ERBB4: variants seen among roughly 807,000 people sequenced by gnomAD.
ERBB4 encodes erb-b2 receptor tyrosine kinase 4.
A neutral mutation model predicts 158.0 loss-of-function variants in ERBB4; 42 were observed. The ratio of observed to expected loss-of-function variants is 0.27; its 90% CI spans 0.21 to 0.34. The LOEUF (loss-of-function observed/expected upper bound fraction) is 0.34, where lower values mean the gene tolerates loss of function less well. ERBB4 is among the 10% of genes least tolerant of loss of function. The pLI is 1.00. For missense variants in ERBB4, 1,333 were observed against 1,624.1 expected, an observed-to-expected ratio of 0.82 and a Z score of 3.08; for synonymous variants, 583 against 558.7, an observed-to-expected ratio of 1.04 and a Z score of -0.61.
At chr2:211,975,353 C>A (rs751664331) in intron 2 of ERBB4, among the ~76,000 whole-genome samples, 5 of 152,168 alleles carry the variant, frequency 3.3e-5, no homozygotes, top group Non-Finnish European at 7.3e-5. Flanking sequence ...GTTGTCCAAT[C>A]AATCCTGACC....
intron 12 of ERBB4, among the ~76,000 whole-genome samples, chr2:211,694,068 AC>A (rs2106005940): frequency 6.6e-6 from 1 of 152,202 alleles, no homozygotes; most frequent in East Asian, 1.9e-4. Flanking sequence ...TGAAGGACCT[AC>A]CCTGCTCCAG....
At chr2:211,737,225 A>C (rs547285422) in intron 5 of ERBB4, among the ~76,000 whole-genome samples, 143 of 152,294 alleles carry the variant, frequency 9.4e-4, no homozygotes, top group African/African-American at 3.3e-3. Flanking sequence ...AGTTAAGAGA[A>C]CACAAAACAC....
intron 16 of ERBB4, among the ~76,000 whole-genome samples, chr2:211,630,903 C>T (rs1040875408): frequency 7.9e-5 from 12 of 151,992 alleles, no homozygotes; most frequent in Admixed American, 2.0e-4. Context: ...AAAACATATG[C>T]CAAGACATTG....
intron 19 of ERBB4, among the ~76,000 whole-genome samples, chr2:211,588,780 T>C (rs2068369647): frequency 6.6e-6 from 1 of 152,132 alleles, no homozygotes; most frequent in Non-Finnish European, 1.5e-5. Flanking sequence ...ACATGATATA[T>C]ACTAGTTTTA....
At chr2:212,392,827 C>T (rs886644094) in intron 1 of ERBB4, among the ~76,000 whole-genome samples, 1 of 151,950 alleles carries the variant, frequency 6.6e-6, no homozygotes, top group Non-Finnish European at 1.5e-5. Context: ...AGATTATATT[C>T]TCTGCTAAGA....
chr2:211,626,039 T>C (rs1048777637), intron 17 of ERBB4, among the ~76,000 whole-genome samples: 1 of 152,206 alleles, frequency 6.6e-6, no homozygotes, highest in African/African-American at 2.4e-5. Flanking sequence ...TATATGACAG[T>C]GTTGCCACTC....
chr2:212,488,697 A>G (rs1690110852), intron 1 of ERBB4, among the ~76,000 whole-genome samples: 1 of 151,896 alleles, frequency 6.6e-6, no homozygotes, highest in African/African-American at 2.4e-5. Flanking sequence ...GAATCAAAGG[A>G]GGCAAGGCCA....
At chr2:212,248,122 T>TA (rs1182220908) in intron 1 of ERBB4, among the ~76,000 whole-genome samples, 1 of 152,102 alleles carries the variant, frequency 6.6e-6, no homozygotes, top group Non-Finnish European at 1.5e-5. Context: ...CTTTTGTGAT[T>TA]AAAAAATCAA....
intron 1 of ERBB4, among the ~76,000 whole-genome samples, chr2:212,280,019 A>G (rs889868884): frequency 6.6e-6 from 1 of 151,682 alleles, no homozygotes; most frequent in Non-Finnish European, 1.5e-5. Context: ...GATATCTGCA[A>G]TTGAATTGCA....
At chr2:212,253,260 C>A (rs2084607112) in intron 1 of ERBB4, among the ~76,000 whole-genome samples, 1 of 151,820 alleles carries the variant, frequency 6.6e-6, no homozygotes, top group African/African-American at 2.4e-5. Flanking sequence ...ATGAATTTAA[C>A]AAAGCAATAA....
intron 20 of ERBB4, among the ~76,000 whole-genome samples, chr2:211,558,390 C>G (rs775777853): frequency 1.3e-5 from 2 of 152,122 alleles, no homozygotes; most frequent in Non-Finnish European, 2.9e-5. Flanking sequence ...CTCCCACTTA[C>G]AAAGACCCCT....
At chr2:212,325,017 C>A (rs2087759198) in intron 1 of ERBB4, among the ~76,000 whole-genome samples, 2 of 73,706 alleles carry the variant, frequency 2.7e-5, no homozygotes, top group Admixed American at 2.5e-4. Flanking sequence ...TACAAGCAAC[C>A]CAAAAAAAAA....
chr2:211,691,229 G>A (rs1188060764), intron 12 of ERBB4, among the ~76,000 whole-genome samples: 1 of 152,040 alleles, frequency 6.6e-6, no homozygotes, highest in Non-Finnish European at 1.5e-5. Context: ...GTAGCCTTGG[G>A]CAATTACTTA....
chr2:212,013,067 T>G (rs1365586291), intron 2 of ERBB4, among the ~76,000 whole-genome samples: 2 of 151,632 alleles, frequency 1.3e-5, no homozygotes, highest in Non-Finnish European at 2.9e-5. Flanking sequence ...CCTTTTTTTT[T>G]TTTTTTTGAG....
At chr2:212,218,521 A>C (rs1468294080) in intron 1 of ERBB4, among the ~76,000 whole-genome samples, 2 of 151,348 alleles carry the variant, frequency 1.3e-5, no homozygotes, top group Non-Finnish European at 3.0e-5. Context: ...TGTTCTCATA[A>C]GATTTAAGCC....
chr2:211,775,676 T>C (rs2075854985), intron 4 of ERBB4, among the ~76,000 whole-genome samples: 1 of 152,154 alleles, frequency 6.6e-6, no homozygotes, highest in Admixed American at 6.5e-5. Context: ...GTAATAGTGA[T>C]ATCTAGAGTA....
chr2:212,013,192 G>A (rs529505535), intron 2 of ERBB4, among the ~76,000 whole-genome samples: 1 of 151,990 alleles, frequency 6.6e-6, no homozygotes, highest in African/African-American at 2.4e-5. Flanking sequence ...AAGTAGCTAG[G>A]GCTACAGGCA....
At chr2:211,511,784 T>C (rs763791529) in intron 20 of ERBB4, among the ~76,000 whole-genome samples, 3 of 152,082 alleles carry the variant, frequency 2.0e-5, no homozygotes, top group Admixed American at 6.5e-5. Flanking sequence ...CACGGTAACA[T>C]TGAAACTAAA....
intron 1 of ERBB4, among the ~76,000 whole-genome samples, chr2:212,134,039 T>C (rs1394455383): frequency 6.6e-6 from 1 of 152,304 alleles, no homozygotes; most frequent in Middle Eastern, 3.4e-3. Flanking sequence ...GTAATAGTCA[T>C]TCCTATCTTT....
Sources: gnomAD v4.1 joint callset for allele counts (sites outside exome capture counted in the v4.1 genomes callset) on GRCh38, gnomAD v4.1.1 for gene constraint, MANE v1.5 for transcripts, NCBI Gene and HGNC (gene_info 2026-07-23, HGNC 2026-07-21) for gene names.